CD109: variants seen among roughly 807,000 people sequenced by gnomAD.
CD109 encodes the protein CD109 molecule.
CD109 carries 149 observed loss-of-function variants against 165.8 expected under a neutral mutation model. The ratio of observed to expected loss-of-function variants is 0.90; its 90% confidence interval spans 0.79 to 1.03. The LOEUF is 1.03. CD109 is among the 50% of genes least tolerant of loss of function. CD109 has a pLI of 0.00. For missense variants in CD109, 1,712 were observed against 1,677.8 expected, an observed-to-expected ratio of 1.02 and a Z score of -0.36; for synonymous variants, 585 against 592.1, an observed-to-expected ratio of 0.99 and a Z score of 0.18.
At chr6:73,736,225 C>G (rs1369206861) in intron 4 of CD109, among the ~76,000 whole-genome samples, 158 bp from the exon 5 acceptor site, 2 of 152,098 alleles carry the variant, frequency 1.3e-5, no homozygotes, top group African/African-American at 4.8e-5. Flanking sequence ...CTCCTTCTTT[C>G]CATCCTCACA....
At chr6:73,726,557 TG>T (rs1316531117) in intron 3 of CD109, among the ~76,000 whole-genome samples, 1 of 152,252 alleles carries the variant, frequency 6.6e-6, no homozygotes, top group Non-Finnish European at 1.5e-5. Context: ...TAAATACTAT[TG>T]TGTTGTCTCA....
Position 73,825,785 on chromosome 6 carries a change from C to T in CD109, c.*2152C>T, listed in dbSNP as rs1776254532. Reference sequence around the variant, plus strand: ...ACAAGGTTAGGAGTTTGAGACCAGCCTGGCCAATATGGTGAAACCCCGTCC... The same window carrying T: ...ACAAGGTTAGGAGTTTGAGACCAGCTTGGCCAATATGGTGAAACCCCGTCC... On this transcript the variant is annotated 3_prime_UTR_variant, in exon 33 of 33. Coordinates refer to ENST00000287097, the MANE Select transcript of CD109 (RefSeq NM_133493.5). 1 of 152,192 alleles carries T rather than the reference C, an allele frequency of 6.6e-6. No homozygotes were observed. Among genetic ancestry groups the T allele is most frequent in the Admixed American group, 6.5e-5 (1 of 15,270 alleles). The allele number at this position is 152,192 out of a possible 1,614,324, so 9.4% of individuals were successfully genotyped here.
chr6:73,809,559 A>G (rs1775681478), intron 26 of CD109, among the ~76,000 whole-genome samples: 1 of 152,178 alleles, frequency 6.6e-6, no homozygotes, highest in Non-Finnish European at 1.5e-5. Context: ...TAGGTTGAGC[A>G]TCCCTAATCC....
chr6:73,823,711 C>T lies in CD109; in HGVS notation c.*78C>T, dbSNP rs1406061479. 2.2e-6 allele frequency: 3 copies of T among 1,335,346 alleles called. No individual in the cohort carries two copies. The highest frequency in any genetic ancestry group is 3.1e-6 in the Non-Finnish European group (3 of 972,802). The allele number at this position is 1,335,346 out of a possible 1,614,324, so 82.7% of individuals were successfully genotyped here. A position where few individuals can be genotyped will look rare whatever the true frequency, so the allele number is the denominator to read the frequency against. On this transcript the variant is annotated 3_prime_UTR_variant, in exon 33 of 33. Transcript: ENST00000287097. ...ATTGTTTTGTTTTCGTAGAAGAATA[C>T]TGCTTCTATTTTGAAAAAAGAGTTT... is the stretch of plus-strand genomic sequence containing the variant.
chr6:73,769,641 T>C (rs993679976), intron 14 of CD109, among the ~76,000 whole-genome samples: 6 of 152,208 alleles, frequency 3.9e-5, no homozygotes, highest in African/African-American at 1.4e-4. Flanking sequence ...TTAGTGAATG[T>C]TTATTAATGT....
intron 8 of CD109, 75 bp from the exon 9 acceptor site, chr6:73,762,666 G>A: frequency 8.2e-7 from 1 of 1,220,362 alleles, no homozygotes; most frequent in Admixed American, 2.1e-5. Context: ...ATATTGTTGT[G>A]ACTTAGTTTG....
chr6:73,812,079 A>C (rs1233619606), intron 28 of CD109, 126 bp from the exon 29 acceptor site: 1 of 609,984 alleles, frequency 1.6e-6, no homozygotes, highest in Non-Finnish European at 2.9e-6. Context: ...GAGACAGTGC[A>C]AAGCTCTTAG....
chr6:73,735,593 G>C (rs1273051196), intron 4 of CD109, among the ~76,000 whole-genome samples: 1 of 152,016 alleles, frequency 6.6e-6, no homozygotes, highest in Non-Finnish European at 1.5e-5. Context: ...GTTGCATGAA[G>C]GGATTGTTGT....
At chr6:73,788,426 G>T in intron 21 of CD109, 42 bp from the exon 22 acceptor site, 1 of 1,578,546 alleles carries the variant, frequency 6.3e-7, no homozygotes. Context: ...CTGTAAACAT[G>T]TGAGTAGAGA....
intron 8 of CD109, 112 bp from the exon 9 acceptor site, chr6:73,762,629 A>C: frequency 1.0e-6 from 1 of 988,910 alleles, no homozygotes; most frequent in Non-Finnish European, 1.5e-6. Context: ...ATGCAATTAT[A>C]GCGATTAAAA....
At chr6:73,796,342 GAGCTCC>G (rs947961439) in intron 23 of CD109, among the ~76,000 whole-genome samples, 9 of 152,084 alleles carry the variant, frequency 5.9e-5, no homozygotes, top group Non-Finnish European at 1.2e-4. Context: ...GGAACACTCT[GAGCTCC>G]ATGCTGCTTC....
chr6:73,782,875 A>G, intron 18 of CD109, 120 bp downstream of exon 18: 6 of 845,876 alleles, frequency 7.1e-6, no homozygotes, highest in South Asian at 2.6e-5. Context: ...TAAGTAGACC[A>G]AAAGGATTTT....
intron 15 of CD109, among the ~76,000 whole-genome samples, chr6:73,772,647 T>C (rs1453521217): frequency 6.6e-6 from 1 of 151,874 alleles, no homozygotes; most frequent in Admixed American, 6.6e-5. Context: ...CATAAATGAA[T>C]CCCATATTCA....
intron 5 of CD109, among the ~76,000 whole-genome samples, chr6:73,742,079 A>G (rs181753359): frequency 6.4e-4 from 97 of 152,312 alleles, no homozygotes; most frequent in Non-Finnish European, 2.4e-4. Flanking sequence ...TATTAAGTAC[A>G]TTAATATTGT....
At chr6:73,738,104 G>A (rs898288943) in intron 5 of CD109, among the ~76,000 whole-genome samples, 1 of 152,098 alleles carries the variant, frequency 6.6e-6, no homozygotes, top group Non-Finnish European at 1.5e-5. Context: ...GACATAAGGG[G>A]GACAGACAAA....
intron 2 of CD109, among the ~76,000 whole-genome samples, chr6:73,703,205 G>A (rs544418769): frequency 6.6e-6 from 1 of 152,372 alleles, no homozygotes; most frequent in East Asian, 1.9e-4. Flanking sequence ...TTGCTGGGAA[G>A]AGAGTGAAGT....
At chr6:73,690,790 AG>A (rs748688911), upstream of CD109, among the ~76,000 whole-genome samples, 10 of 152,252 alleles carry the variant, frequency 6.6e-5, no homozygotes, top group Non-Finnish European at 1.0e-4. Flanking sequence ...TAGGACACAA[AG>A]CACAAAGTTG....
chr6:73,805,147 G>C (rs1366404959), intron 24 of CD109, among the ~76,000 whole-genome samples: 2 of 152,144 alleles, frequency 1.3e-5, no homozygotes, highest in Non-Finnish European at 2.9e-5. Flanking sequence ...GTGGGGAAAA[G>C]AAAGAGAGAT....
chr6:73,824,860 T>C lies in CD109; in HGVS notation c.*1227T>C, dbSNP rs571431355. 2.0e-5 allele frequency: 3 copies of C among 152,332 alleles called. No individual in the cohort carries two copies. The East Asian group carries it at 5.8e-4, about 29-fold the overall frequency. 9.4% of individuals were successfully genotyped at this position (152,332 alleles called of 1,614,324 possible). ...CCCTTTCTTCTTTGCCTTCTAAATA[T>C]ACTGAAATGATTTAGATATGTGTCA... On this transcript the variant is annotated 3_prime_UTR_variant, in exon 33 of 33. Transcript: ENST00000287097.
Sources: allele counts gnomAD v4.1 joint callset (sites outside exome capture counted in the v4.1 genomes callset), GRCh38; gene constraint gnomAD v4.1.1; transcripts MANE v1.5; gene names NCBI Gene and HGNC (gene_info 2026-07-23, HGNC 2026-07-21).